CACNA2D2: variants seen among roughly 807,000 people sequenced by gnomAD.
CACNA2D2 encodes calcium voltage-gated channel auxiliary subunit alpha2delta 2, also known as voltage-dependent calcium channel subunit alpha-2/delta-2.
CACNA2D2 carries 48 observed loss-of-function variants against 166.4 expected under a neutral mutation model. The ratio of observed to expected loss-of-function variants is 0.29; its 90% CI spans 0.23 to 0.37. CACNA2D2 has a LOEUF of 0.37. Among genes scored for constraint, CACNA2D2 ranks in the 10% least tolerant of loss-of-function variants. CACNA2D2 has a pLI of 1.00. For missense variants in CACNA2D2, 1,122 were observed against 1,433.0 expected (o/e 0.78, Z 3.50); for synonymous variants, 561 against 573.7 (o/e 0.98, Z 0.32).
At chr3:50,409,728 C>T (rs1437106020) in intron 3 of CACNA2D2, among the ~76,000 whole-genome samples, 1 of 152,214 alleles carries the variant, frequency 6.6e-6, no homozygotes, top group Non-Finnish European at 1.5e-5. Context: ...TCATCAAGTC[C>T]CCCTCCCCTA....
Position 50,363,087 on chromosome 3 carries a change from T to G in CACNA2D2, c.*1579A>C, listed in dbSNP as rs939475842. 1.9e-4 allele frequency: 74 copies of G among 398,566 alleles called. No homozygotes were observed. In the East Asian group the frequency reaches 2.6e-3, roughly 14 times the overall value. 24.7% of individuals were successfully genotyped at this position (398,566 alleles called of 1,614,324 possible). ...GACAGCTACCTGATGGGGATTGTTT[T>G]GTCTGTTTTTCTGTTTTTTAAACTT... On this transcript the variant is annotated 3_prime_UTR_variant, in exon 38 of 38. Coordinates refer to ENST00000424201, the MANE Select transcript of CACNA2D2 (RefSeq NM_006030.4).
intron 3 of CACNA2D2, among the ~76,000 whole-genome samples, chr3:50,423,026 CCT>C (rs753249045): frequency 6.6e-6 from 1 of 152,326 alleles, no homozygotes. Context: ...TTTCTGGTCC[CCT>C]GTTCCCCCAT....
intron 2 of CACNA2D2, among the ~76,000 whole-genome samples, chr3:50,437,523 T>C (rs1254305828): frequency 1.3e-5 from 2 of 152,176 alleles, no homozygotes; most frequent in African/African-American, 4.8e-5. Context: ...TAGCCCCTAG[T>C]GCCACAGCCC....
chr3:50,367,222 C>A lies in CACNA2D2; in HGVS notation c.2402-113G>T. The A allele has an allele frequency of 1.0e-6, 1 of 1,000,828 alleles. No individual in the cohort carries two copies. Among genetic ancestry groups the A allele is most frequent in the Non-Finnish European group, 1.5e-6 (1 of 649,880 alleles). The allele number at this position is 1,000,828 out of a possible 1,614,324, so 62.0% of individuals were successfully genotyped here. ...CCCGGGATGACTCCAGCCCAAGCAC[C>A]CAGCACTCAGGACAGTGTTTGGCAC... On this transcript the variant is annotated intron_variant, in intron 27 of 37. Coordinates refer to ENST00000424201, the MANE Select transcript of CACNA2D2 (RefSeq NM_006030.4). The surrounding 1 kb of genome is among the most constrained non-coding windows in gnomAD (Gnocchi z 6.5).
chr3:50,382,133 T>C (rs952683194), intron 6 of CACNA2D2, among the ~76,000 whole-genome samples: 5 of 151,960 alleles, frequency 3.3e-5, no homozygotes, highest in African/African-American at 7.3e-5. Flanking sequence ...GGCGGCCTGA[T>C]GTGTGTGTGT....
chr3:50,403,557 C>T (rs1041842008), intron 3 of CACNA2D2, among the ~76,000 whole-genome samples: 3 of 152,168 alleles, frequency 2.0e-5, no homozygotes, highest in African/African-American at 7.2e-5. Flanking sequence ...CCTTCAGACT[C>T]CCAACCAAAG....
intron 2 of CACNA2D2, among the ~76,000 whole-genome samples, chr3:50,468,492 A>G (rs1373371661): frequency 2.0e-5 from 3 of 150,284 alleles, no homozygotes; most frequent in Admixed American, 6.6e-5. Context: ...AGATGGAAGG[A>G]TTGAGCGGCC....
At chr3:50,421,017 G>C (rs975024530) in intron 3 of CACNA2D2, among the ~76,000 whole-genome samples, 2 of 152,192 alleles carry the variant, frequency 1.3e-5, no homozygotes, top group Non-Finnish European at 2.9e-5. Flanking sequence ...CCTGGGTTCT[G>C]GGAGGTCTCT....
rs114268923 is a variant in CACNA2D2 at position 50,490,691 on chromosome 3, C to T, written c.206+12527G>A. Among the ~76,000 whole-genome samples the T allele has an allele frequency of 8.4e-4, 128 of 152,336 alleles. 1 individual carries two copies. Among genetic ancestry groups the T allele is most frequent in the African/African-American group, 2.7e-3 (111 of 41,552 alleles). On this transcript the variant is annotated intron_variant, in intron 1 of 37. Coordinates refer to ENST00000424201, the MANE Select transcript of CACNA2D2 (RefSeq NM_006030.4). ...TGGCTCTGTGGACACCTGCACAGAC[C>T]ATGGGCTCCCTGTTCAGCACATATG...
chr3:50,373,681 G>A (rs1704785961), intron 22 of CACNA2D2, among the ~76,000 whole-genome samples: 1 of 135,592 alleles, frequency 7.4e-6, no homozygotes, highest in Admixed American at 7.3e-5. Flanking sequence ...AGATGGAGGA[G>A]GTGAGCAGGA....
intron 5 of CACNA2D2, among the ~76,000 whole-genome samples, 170 bp from the exon 6 acceptor site, chr3:50,384,507 C>T (rs1475408515): frequency 3.3e-5 from 5 of 152,208 alleles, no homozygotes; most frequent in Non-Finnish European, 7.3e-5. Flanking sequence ...GACAGATGGA[C>T]ACGGGGTTGG....
rs984337657 is a variant in CACNA2D2, at chr3:50,366,131, G to T, written c.2742C>A (p.Asn914Lys). The T allele has an allele frequency of 5.6e-6, 9 of 1,613,920 alleles. No individual in the cohort carries two copies. The highest frequency in any genetic ancestry group is 6.8e-6 in the Non-Finnish European group (8 of 1,180,012). The part of the protein sequence containing the change: ...VGRFFSEVDA[N>K]LMLALYNNSF... ...AGTTATTGTAGAGTGCCAGCATCAG[G>T]TTGGCATCCACCTCACTGAAGAACC... The change falls in exon 32 of 38, where the codon AAC becomes AAA. Residue 914 changes from asparagine to lysine, a missense_variant. By Grantham distance (94) the Asn-to-Lys change is moderately conservative. Coordinates refer to ENST00000424201, the MANE Select transcript of CACNA2D2 (RefSeq NM_006030.4). This position sits in a 1 kb window ranked among gnomAD's most constrained non-coding sequence, Gnocchi z 5.9.
chr3:50,448,248 C>G (rs1291627123), intron 2 of CACNA2D2, among the ~76,000 whole-genome samples: 2 of 152,182 alleles, frequency 1.3e-5, no homozygotes, highest in Admixed American at 6.5e-5. Context: ...CTGGGAAACC[C>G]TCTCCCATAT....
intron 2 of CACNA2D2, among the ~76,000 whole-genome samples, chr3:50,443,375 T>C (rs1708697150): frequency 6.6e-6 from 1 of 152,196 alleles, no homozygotes; most frequent in Admixed American, 6.5e-5. Flanking sequence ...TGATGACAGG[T>C]CCTCTGTGTG....
intron 2 of CACNA2D2, among the ~76,000 whole-genome samples, chr3:50,475,418 T>C (rs1042134710): frequency 6.6e-6 from 1 of 152,014 alleles, no homozygotes; most frequent in Non-Finnish European, 1.5e-5. Flanking sequence ...CCTCAAAGAC[T>C]GCACGTACCC....
chr3:50,483,686 C>T (rs577224379), intron 1 of CACNA2D2, among the ~76,000 whole-genome samples: 53 of 152,324 alleles, frequency 3.5e-4, no homozygotes, highest in African/African-American at 8.7e-4. Flanking sequence ...GTGGCCCACT[C>T]GGCTCTGCTT....
intron 3 of CACNA2D2, among the ~76,000 whole-genome samples, chr3:50,433,883 C>A (rs1275562397): frequency 6.6e-6 from 1 of 152,180 alleles, no homozygotes; most frequent in African/African-American, 2.4e-5. Context: ...GCTTGCAGAG[C>A]CCCCTCGACA....
chr3:50,492,594 C>T (rs1698563699), intron 1 of CACNA2D2, among the ~76,000 whole-genome samples: 1 of 152,224 alleles, frequency 6.6e-6, no homozygotes, highest in African/African-American at 2.4e-5. Flanking sequence ...GACCCACATC[C>T]ATGACACAAG....
chr3:50,396,773 G>C (rs1245160929), intron 3 of CACNA2D2, among the ~76,000 whole-genome samples: 2 of 152,156 alleles, frequency 1.3e-5, no homozygotes, highest in Non-Finnish European at 2.9e-5. Flanking sequence ...TTCCTTACCT[G>C]GTGACCTACT....
Sources: gnomAD v4.1 joint callset for allele counts (sites outside exome capture counted in the v4.1 genomes callset) on GRCh38, gnomAD v4.1.1 for gene constraint, Gnocchi (gnomAD v3.1) non-coding constraint, MANE v1.5 for transcripts, NCBI Gene and HGNC (gene_info 2026-07-23, HGNC 2026-07-21) for gene names.